Variants in PDCD1LG2 observed in about 807,000 individuals in gnomAD.
PDCD1LG2 encodes the protein B7 dendritic cell molecule.
Under a neutral mutation model 28.2 loss-of-function variants are expected in PDCD1LG2, and 32 were observed. That is an observed-to-expected ratio of 1.13 (90% CI 0.86 to 1.52). The LOEUF is 1.52. Ranked by LOEUF, PDCD1LG2 falls within the 40% of genes most tolerant of loss-of-function variation. PDCD1LG2 has a pLI of 0.00. For synonymous variants in PDCD1LG2, 116 were observed against 120.2 expected, an observed-to-expected ratio of 0.97 and a Z score of 0.23; for missense variants, 385 against 323.8, an observed-to-expected ratio of 1.19 and a Z score of -1.45.
At chr9:5,548,815 A>C (rs1563830350) in intron 3 of PDCD1LG2, among the ~76,000 whole-genome samples, 1 of 152,226 alleles carries the variant, frequency 6.6e-6, no homozygotes, top group East Asian at 1.9e-4. Flanking sequence ...AAGAAAACAG[A>C]GGAAAGGAGG....
chr9:5,557,624 T>C lies in PDCD1LG2; in HGVS notation c.638T>C (p.Met213Thr), dbSNP rs2129920781. The change falls in exon 5 of 7, where the codon ATG becomes ACG. Residue 213 changes from methionine to threonine, a missense_variant. Physicochemically the swap from Met to Thr is moderately conservative, Grantham distance 81. Transcript: ENST00000397747. ...TLASIDLQSQMEPRTHPTWLL... is the reference protein window; with the variant it reads ...TLASIDLQSQTEPRTHPTWLL... The stretch of plus-strand genomic sequence containing the variant: ...GTGCTTTTCCTTTGCCCAGGTCAGA[T>C]GGAACCCAGGACCCATCCAACTTGG... 17 of 1,614,018 alleles carry C rather than the reference T, an allele frequency of 1.1e-5. No individual in the cohort carries two copies. Among genetic ancestry groups the C allele is most frequent in the Non-Finnish European group, 1.4e-5 (17 of 1,179,912 alleles).
At chr9:5,552,900 T>G (rs543291513) in intron 4 of PDCD1LG2, among the ~76,000 whole-genome samples, 131 of 152,294 alleles carry the variant, frequency 8.6e-4, no homozygotes, top group African/African-American at 2.9e-3. Flanking sequence ...ACTAAATTAT[T>G]AGTTTAGAAG....
rs762452068 is a variant in PDCD1LG2 at position 5,534,812 on chromosome 9, A to T, written c.123A>T (p.Glu41Asp). 6.2e-7 allele frequency: 1 copy of T among 1,614,184 alleles called. No homozygotes were observed. Among genetic ancestry groups the T allele is most frequent in the South Asian group, 1.1e-5 (1 of 91,086 alleles). The change falls in exon 3 of 7, where the codon GAA becomes GAT. Residue 41 changes from glutamate to aspartate, a missense_variant. By Grantham distance (45) the Glu-to-Asp change is conservative. Coordinates refer to ENST00000397747, the MANE Select transcript of PDCD1LG2 (RefSeq NM_025239.4). ...AGCATGGCAGCAATGTGACCCTGGA[A>T]TGCAACTTTGACACTGGAAGTCATG... ...IIEHGSNVTL[E>D]CNFDTGSHVN...
intron 1 of PDCD1LG2, among the ~76,000 whole-genome samples, chr9:5,520,315 G>A (rs1264555074): frequency 6.6e-6 from 1 of 152,168 alleles, no homozygotes; most frequent in Non-Finnish European, 1.5e-5. Flanking sequence ...TGTTTTGCAA[G>A]GGTGCCAAGA....
At chr9:5,529,708 A>G (rs560760674) in intron 2 of PDCD1LG2, among the ~76,000 whole-genome samples, 15 of 152,266 alleles carry the variant, frequency 9.9e-5, no homozygotes, top group Admixed American at 8.5e-4. Context: ...GAGGGCCACA[A>G]TGACCATGGT....
At chr9:5,529,020 C>A (rs1023116222) in intron 2 of PDCD1LG2, among the ~76,000 whole-genome samples, 9 of 152,212 alleles carry the variant, frequency 5.9e-5, no homozygotes, top group Non-Finnish European at 1.2e-4. Context: ...TGAGCCACTG[C>A]CACGACCTTA....
chr9:5,566,130 C>T (rs1816661448), intron 6 of PDCD1LG2, among the ~76,000 whole-genome samples: 1 of 152,176 alleles, frequency 6.6e-6, no homozygotes, highest in South Asian at 2.1e-4. Flanking sequence ...AGCCATCCCG[C>T]ACTCTCATTT....
In PDCD1LG2 at chr9:5,563,168, C is replaced by G; in HGVS notation, c.773C>G (p.Thr258Arg). 1 of 1,611,510 alleles carries G rather than the reference C, an allele frequency of 6.2e-7. No homozygotes were observed. Among genetic ancestry groups the G allele is most frequent in the Non-Finnish European group, 8.5e-7 (1 of 1,177,902 alleles). ...TGGAATTTTTCCTTTTCAGACACAA[C>G]AAAAAGACCTGTCACCACAACAAAG... The part of the protein sequence containing the change: ...CQKLYSSKDT[T>R]KRPVTTTKRE... The change falls in exon 6 of 7, where the codon ACA becomes AGA. Residue 258 changes from threonine (T) to arginine (R), a missense_variant. Physicochemically the swap from Thr to Arg is moderately conservative, Grantham distance 71. Transcript: ENST00000397747.
At position 5,569,446 on chromosome 9, in the gene PDCD1LG2, G is replaced by C. The variant is rs1009266268; in HGVS notation, c.817-508G>C. Among the ~76,000 whole-genome samples the C allele has an allele frequency of 6.6e-6, 1 of 152,122 alleles. No homozygotes were observed. Among genetic ancestry groups the C allele is most frequent in the African/African-American group, 2.4e-5 (1 of 41,418 alleles). On this transcript the variant is annotated intron_variant, in intron 6 of 6. Transcript: ENST00000397747. The surrounding 1 kb of genome is among the most constrained non-coding windows in gnomAD (Gnocchi z 4.1). ...ACAAAGTCAACCCACAACTTGTCTG[G>C]GAGGTTGCTGAGGAATAGATACCCC...
At chr9:5,562,677 G>A (rs1336827107) in intron 5 of PDCD1LG2, among the ~76,000 whole-genome samples, 1 of 152,090 alleles carries the variant, frequency 6.6e-6, no homozygotes, top group Non-Finnish European at 1.5e-5. Flanking sequence ...TGAAATCAAG[G>A]AAACTTACTG....
rs1816754757 is a variant in PDCD1LG2, at chr9:5,570,740, A to G, written c.*781A>G. 1 of 232,076 alleles carries G rather than the reference A, an allele frequency of 4.3e-6. No individual in the cohort carries two copies. The highest frequency in any genetic ancestry group is 8.5e-6 in the Non-Finnish European group (1 of 117,452). 14.4% of individuals were successfully genotyped at this position (232,076 alleles called of 1,614,324 possible). A position where few individuals can be genotyped will look rare whatever the true frequency, so the allele number is the denominator to read the frequency against. ...AATTATATACAGTCAAAAATATTTGATATGCTCATACGTTGTATCTGCAGC... is the reference window on the plus strand; with the variant it reads ...AATTATATACAGTCAAAAATATTTGGTATGCTCATACGTTGTATCTGCAGC... On this transcript the variant is annotated 3_prime_UTR_variant, in exon 7 of 7. Transcript: ENST00000397747.
intron 1 of PDCD1LG2, among the ~76,000 whole-genome samples, chr9:5,519,531 C>A (rs568990068): frequency 6.6e-6 from 1 of 152,324 alleles, no homozygotes; most frequent in East Asian, 1.9e-4. Flanking sequence ...GGTGACCGCT[C>A]TTCACAAAGA....
At chr9:5,564,252 G>C (rs1345756545) in intron 6 of PDCD1LG2, among the ~76,000 whole-genome samples, 2 of 152,198 alleles carry the variant, frequency 1.3e-5, no homozygotes, top group Non-Finnish European at 2.9e-5. Flanking sequence ...CAGACTACCA[G>C]TTTTGGGTTT....
Position 5,549,530 on chromosome 9 carries a change from CT to C in PDCD1LG2, c.558del (p.Gly187AlafsTer13), listed in dbSNP as rs771292239. 5 of 1,614,214 alleles carry C rather than the reference CT, an allele frequency of 3.1e-6. No individual in the cohort carries two copies. The highest frequency in any genetic ancestry group is 1.7e-5 in the Admixed American group (1 of 60,026). On this transcript the variant is annotated frameshift_variant, in exon 4 of 7. Transcript: ENST00000397747. LOFTEE classifies it high-confidence loss of function. Reference protein sequence around the residue: ...VTSVLRLKPPPGRNFSCVFWN... With the variant: ...VTSVLRLKPPXGRNFSCVFWN... ...AGTGTTCTGCGCCTAAAGCCACCCC[CT>C]GGCAGAAACTTCAGCTGTGTGTTCT...
chr9:5,517,774 G>T (rs968159172), intron 1 of PDCD1LG2, among the ~76,000 whole-genome samples: 2 of 152,160 alleles, frequency 1.3e-5, no homozygotes, highest in African/African-American at 4.8e-5. Context: ...ATATTTGAAG[G>T]AAGGGCCAAT....
At chr9:5,541,328 A>T (rs976124914) in intron 3 of PDCD1LG2, among the ~76,000 whole-genome samples, 10 of 152,194 alleles carry the variant, frequency 6.6e-5, no homozygotes, top group Admixed American at 1.3e-4. Context: ...CACCACTTTT[A>T]TTCAGCATAG....
chr9:5,523,369 C>T (rs968258722), intron 2 of PDCD1LG2, among the ~76,000 whole-genome samples: 9 of 152,120 alleles, frequency 5.9e-5, no homozygotes, highest in African/African-American at 2.2e-4. Context: ...AGACAATAGC[C>T]CCAGCCCCAT....
Position 5,557,704 on chromosome 9 carries a change from G to C in PDCD1LG2, c.718G>C (p.Val240Leu). The C allele has an allele frequency of 1.2e-6, 2 of 1,613,924 alleles. No homozygotes were observed. The highest frequency in any genetic ancestry group is 8.5e-7 in the Non-Finnish European group (1 of 1,179,822). Reference protein sequence around the residue: ...CIIAFIFIATVIALRKQLCQK... With the variant: ...CIIAFIFIATLIALRKQLCQK... ...CATTGCTTTCATTTTCATAGCCACA[G>C]TGATAGCCCTAAGAAAACAACTCTG... The change falls in exon 5 of 7, where the codon GTG (valine) becomes CTG (leucine). Residue 240 changes from valine (V) to leucine (L), a missense_variant. Physicochemically the swap from Val to Leu is conservative, Grantham distance 32 (BLOSUM62 1). Transcript: ENST00000397747.
At position 5,522,178 on chromosome 9, in the gene PDCD1LG2, A is replaced by G. The variant is rs1820288326; in HGVS notation, c.-14-355A>G. 4.1e-5 allele frequency among the ~76,000 whole-genome samples: 5 copies of G among 123,146 alleles called. 1 individual carries two copies. The South Asian group carries it at 1.3e-3, about 31-fold the overall frequency. The allele number at this position is 123,146 out of a possible 152,430, so 80.8% of individuals were successfully genotyped here. A position where few individuals can be genotyped will look rare whatever the true frequency, so the allele number is the denominator to read the frequency against. On this transcript the variant is annotated intron_variant, in intron 1 of 6. Transcript: ENST00000397747. Reference sequence around the variant, plus strand: ...ATGGTGTCCATTATTCATTTGACAAACAAAGTTGGGGTTCAAGGGCCAGCT... The same window carrying G: ...ATGGTGTCCATTATTCATTTGACAAGCAAAGTTGGGGTTCAAGGGCCAGCT...
Sources: gnomAD v4.1 joint callset for allele counts (sites outside exome capture counted in the v4.1 genomes callset) on GRCh38, gnomAD v4.1.1 for gene constraint, Gnocchi (gnomAD v3.1) non-coding constraint, MANE v1.5 for transcripts, NCBI Gene and HGNC (gene_info 2026-07-23, HGNC 2026-07-21) for gene names.